Variants in ABCC8 observed in about 807,000 individuals in gnomAD.
ABCC8 encodes ATP binding cassette subfamily C member 8.
ABCC8 carries 137 observed loss-of-function variants against 188.0 expected under a neutral mutation model. That is an observed-to-expected ratio of 0.73 (90% CI 0.63 to 0.84). The LOEUF (loss-of-function observed/expected upper bound fraction) is 0.84, where lower values mean the gene tolerates loss of function less well. Among genes scored for constraint, ABCC8 ranks in the 40% least tolerant of loss-of-function variants. The probability of loss-of-function intolerance (pLI) is 0.00; values close to 1 mark genes in which losing one functional copy is unlikely to be tolerated. For missense variants in ABCC8, 1,750 were observed against 2,072.7 expected (o/e 0.84, Z 3.02); for synonymous variants, 797 against 846.5 (o/e 0.94, Z 1.01).
At chr11:17,393,601 G>A (rs1205600048) in intron 38 of ABCC8, 96 bp downstream of exon 38, 8 of 1,571,428 alleles carry the variant, frequency 5.1e-6, no homozygotes, top group Admixed American at 1.7e-5. Flanking sequence ...TGATTACTGG[G>A]ACCAGGCAAG....
chr11:17,436,269 G>T, intron 10 of ABCC8: 1 of 449,648 alleles, frequency 2.2e-6, no homozygotes, highest in Non-Finnish European at 4.2e-6. Flanking sequence ...TGGGGTGGAT[G>T]TGGCTGGACC....
intron 3 of ABCC8, among the ~76,000 whole-genome samples, chr11:17,466,263 G>A (rs1848139546): frequency 6.6e-6 from 1 of 152,036 alleles, no homozygotes; most frequent in African/African-American, 2.4e-5. Flanking sequence ...GCCAGGCGTG[G>A]TGGCAGGTAC....
At chr11:17,447,436 A>T (rs1477168259) in intron 8 of ABCC8, among the ~76,000 whole-genome samples, 1 of 152,064 alleles carries the variant, frequency 6.6e-6, no homozygotes, top group Non-Finnish European at 1.5e-5. Flanking sequence ...TTTTATTTTT[A>T]TTTTTTAAGA....
intron 34 of ABCC8, 45 bp from the exon 35 acceptor site, chr11:17,395,763 G>A (rs765465173): frequency 2.6e-6 from 4 of 1,552,552 alleles, no homozygotes; most frequent in Non-Finnish European, 3.5e-6. Context: ...GGTGACTGCT[G>A]GGCCTCCTGT....
rs739689 is a variant in ABCC8 at position 17,395,957 on chromosome 11, A to G, written c.4120-27T>C. ...TGGAAAGAGAGAAGCAGGCACCGCC[A>G]CTGGGACTCTGGGGCTGCTGGGAAT... On this transcript the variant is annotated intron_variant, in intron 33 of 38. Coordinates refer to ENST00000389817, the MANE Select transcript of ABCC8 (RefSeq NM_000352.6). 549,152 of 1,557,306 alleles carry G rather than the reference A, an allele frequency of 0.35. 105,799 individuals are homozygous for G. Among genetic ancestry groups the G allele is most frequent in the African/African-American group, 0.74 (54,566 of 73,918 alleles).
At position 17,406,611 on chromosome 11, in the gene ABCC8, G is replaced by T; in HGVS notation, c.3329+11C>A. On this transcript the variant is annotated intron_variant, in intron 26 of 38. Coordinates refer to ENST00000389817, the MANE Select transcript of ABCC8 (RefSeq NM_000352.6). The stretch of plus-strand genomic sequence containing the variant: ...GCTCACAGTCCCAGCCTGGCCAGGG[G>T]AGACGGGTACCTCATGGGGGCTAGG... 6.2e-7 allele frequency: 1 copy of T among 1,611,428 alleles called. No individual in the cohort carries two copies. The highest frequency in any genetic ancestry group is 8.5e-7 in the Non-Finnish European group (1 of 1,178,026).
Position 17,394,578 on chromosome 11 carries a change from G to A in ABCC8, c.4412-179C>T, listed in dbSNP as rs17846770. On this transcript the variant is annotated intron_variant, in intron 36 of 38. Transcript: ENST00000389817. Reference sequence around the variant, plus strand: ...CACCTGACACAACAATGTGGAGGCCGTCTGCAAGGACTGCAACGAGAAGGG... The same window carrying A: ...CACCTGACACAACAATGTGGAGGCCATCTGCAAGGACTGCAACGAGAAGGG... 48,934 of 734,466 alleles carry A rather than the reference G, an allele frequency of 0.067. 1,900 individuals are homozygous for A. The highest frequency in any genetic ancestry group is 0.16 in the Admixed American group (2,496 of 15,962). 45.5% of individuals were successfully genotyped at this position (734,466 alleles called of 1,614,324 possible). A position where few individuals can be genotyped will look rare whatever the true frequency, so the allele number is the denominator to read the frequency against.
intron 3 of ABCC8, among the ~76,000 whole-genome samples, chr11:17,467,589 T>C (rs1848243400): frequency 6.6e-6 from 1 of 152,242 alleles, no homozygotes; most frequent in African/African-American, 2.4e-5. Context: ...TATGACTTTT[T>C]CAGAGAACAT....
intron 10 of ABCC8, among the ~76,000 whole-genome samples, chr11:17,433,486 T>C (rs1442897645): frequency 2.0e-5 from 3 of 152,226 alleles, no homozygotes; most frequent in African/African-American, 7.2e-5. Flanking sequence ...CAGCAGTCAG[T>C]ACATACAAAG....
chr11:17,430,515 T>G, intron 12 of ABCC8: 1 of 435,032 alleles, frequency 2.3e-6, no homozygotes, highest in Non-Finnish European at 4.3e-6. Context: ...GTGGGTAGAA[T>G]TTAGGAGGAT....
chr11:17,475,872 G>C (rs1426612897), intron 1 of ABCC8, among the ~76,000 whole-genome samples: 2 of 152,216 alleles, frequency 1.3e-5, no homozygotes, highest in African/African-American at 4.8e-5. Flanking sequence ...GTCTGGAAGA[G>C]TCAAGGTCTT....
intron 21 of ABCC8, among the ~76,000 whole-genome samples, chr11:17,411,051 T>A (rs1404112213): frequency 6.6e-6 from 1 of 152,174 alleles, no homozygotes; most frequent in Non-Finnish European, 1.5e-5. Flanking sequence ...GTCTGGGCCT[T>A]CTCCTGAGCT....
chr11:17,475,541 A>G (rs1040791244), intron 1 of ABCC8, among the ~76,000 whole-genome samples: 1 of 152,164 alleles, frequency 6.6e-6, no homozygotes, highest in Admixed American at 6.5e-5. Flanking sequence ...CCCATTATAC[A>G]TACTAACTTC....
At chr11:17,442,619 C>T (rs1027663019) in intron 10 of ABCC8, 101 bp downstream of exon 10, 4 of 1,216,110 alleles carry the variant, frequency 3.3e-6, no homozygotes, top group African/African-American at 3.0e-5. Flanking sequence ...ATCTCAAGGC[C>T]TCCTGCTTCT....
chr11:17,448,748 G>T, intron 7 of ABCC8, 77 bp from the exon 8 acceptor site: 2 of 1,611,334 alleles, frequency 1.2e-6, no homozygotes, highest in South Asian at 1.1e-5. Context: ...ACCTGTTACA[G>T]TGTGCCAGGG....
Position 17,406,635 on chromosome 11 carries a change from G to C in ABCC8, c.3316C>G (p.Leu1106Val). The change falls in exon 26 of 39, where the codon CTA (leucine) becomes GTA (valine). Residue 1106 changes from leucine to valine, a missense_variant. Transcript: ENST00000389817. ...LHRSLLNRII[L>V]APMRFFETTP... ...GGAGACGGGTACCTCATGGGGGCTA[G>C]GATGATCCGGTTTAGCAGGCTGCGG... is the stretch of plus-strand genomic sequence containing the variant. 1 of 1,614,066 alleles carries C rather than the reference G, an allele frequency of 6.2e-7. No individual in the cohort carries two copies. The highest frequency in any genetic ancestry group is 8.5e-7 in the Non-Finnish European group (1 of 1,179,940).
rs1288013350 is a variant in ABCC8, at chr11:17,461,676, C to A, written c.729G>T (p.Lys243Asn). ...MNAFIKTAHKKPIDLRAIGKL... is the reference protein window; with the variant it reads ...MNAFIKTAHKNPIDLRAIGKL... ...TCCCGATGGCTCGCAAGTCGATGGG[C>A]TTCTTGTGGGCAGTCTTGATGAAGG... The change falls in exon 5 of 39, where the codon AAG becomes AAT. Residue 243 changes from lysine to asparagine, a missense_variant. Transcript: ENST00000389817. 6 of 1,614,222 alleles carry A rather than the reference C, an allele frequency of 3.7e-6. No individual in the cohort carries two copies. Among genetic ancestry groups the A allele is most frequent in the Non-Finnish European group, 5.1e-6 (6 of 1,180,040 alleles).
At chr11:17,450,262 C>T (rs201097283) in intron 7 of ABCC8, among the ~76,000 whole-genome samples, 11 of 62,162 alleles carry the variant, frequency 1.8e-4, no homozygotes, top group African/African-American at 6.2e-4. Flanking sequence ...CTTTCTTTCT[C>T]TTTCTTTCTT....
intron 29 of ABCC8, 143 bp downstream of exon 29, chr11:17,402,518 T>C: frequency 6.5e-7 from 1 of 1,538,522 alleles, no homozygotes. Flanking sequence ...TGGATATCCC[T>C]TGGGCCTTGG....
Sources: allele counts gnomAD v4.1 joint callset (sites outside exome capture counted in the v4.1 genomes callset), GRCh38; gene constraint gnomAD v4.1.1; transcripts MANE v1.5; gene names NCBI Gene and HGNC (gene_info 2026-07-23, HGNC 2026-07-21).